Variants in SHOC2 observed in about 807,000 individuals in gnomAD.
SHOC2 encodes SHOC2 leucine rich repeat scaffold protein, also known as leucine-rich repeat protein SHOC-2.
SHOC2 carries 4 observed loss-of-function variants against 50.2 expected under a neutral mutation model. That is an observed-to-expected ratio of 0.08 (90% CI 0.04 to 0.18). The LOEUF is 0.18. Ranked by LOEUF, SHOC2 falls within the 10% of genes least tolerant of loss-of-function variation. SHOC2 has a pLI of 1.00. For missense variants in SHOC2, 388 were observed against 669.6 expected (o/e 0.58, Z 4.64); for synonymous variants, 218 against 244.5 (o/e 0.89, Z 1.01).
intron 1 of SHOC2, chr10:110,936,924 C>T: frequency 7.1e-7 from 1 of 1,403,662 alleles, no homozygotes; most frequent in Non-Finnish European, 1.0e-6. Context: ...CAGTCAAACA[C>T]CTTGAGGCGG....
intron 1 of SHOC2, among the ~76,000 whole-genome samples, chr10:110,933,732 A>G (rs1455743460): frequency 6.6e-6 from 1 of 152,242 alleles, no homozygotes. Flanking sequence ...CAGGAGTTCA[A>G]GGCTGCAGTG....
At chr10:110,981,921 T>C (rs1203719327) in intron 2 of SHOC2, among the ~76,000 whole-genome samples, 2 of 141,624 alleles carry the variant, frequency 1.4e-5, no homozygotes, top group African/African-American at 5.1e-5. Flanking sequence ...TAGTTACATA[T>C]GTATACATGT....
intron 1 of SHOC2, among the ~76,000 whole-genome samples, chr10:110,946,725 G>A (rs1360948785): frequency 6.6e-6 from 1 of 152,144 alleles, no homozygotes; most frequent in African/African-American, 2.4e-5. Flanking sequence ...TGGAATGCAA[G>A]TACCTAGCGG....
chr10:110,983,392 G>A (rs988646998), intron 2 of SHOC2, among the ~76,000 whole-genome samples: 58 of 151,312 alleles, frequency 3.8e-4, no homozygotes, highest in African/African-American at 1.2e-3. Context: ...CTGTTTTCTT[G>A]AGATGGAGAC....
intron 1 of SHOC2, among the ~76,000 whole-genome samples, chr10:110,930,158 A>G (rs369134891): frequency 2.6e-5 from 4 of 152,360 alleles, no homozygotes; most frequent in South Asian, 2.1e-4. Context: ...TAATAAACCA[A>G]ACTGTCAGAA....
At chr10:110,974,593 A>G (rs999671324) in intron 2 of SHOC2, among the ~76,000 whole-genome samples, 1 of 151,052 alleles carries the variant, frequency 6.6e-6, no homozygotes, top group Non-Finnish European at 1.5e-5. Flanking sequence ...CTCTTTTCTT[A>G]TGGATTAAGT....
rs536647684 is a variant in SHOC2 at position 110,963,628 on chromosome 10, T to A, written c.-234-497T>A. 8.5e-5 allele frequency among the ~76,000 whole-genome samples: 13 copies of A among 152,316 alleles called. No homozygotes were observed. In the South Asian group the frequency reaches 2.7e-3, roughly 32 times the overall value. On this transcript the variant is annotated intron_variant, in intron 1 of 8. Coordinates refer to ENST00000369452, the MANE Select transcript of SHOC2 (RefSeq NM_007373.4). ...GTTTTAGTGTAGTGGGTTAGGAACATAGGCTGTGAGCACATACTACCTAAT... is the reference window on the plus strand; with the variant it reads ...GTTTTAGTGTAGTGGGTTAGGAACAAAGGCTGTGAGCACATACTACCTAAT...
chr10:110,939,342 T>C lies in SHOC2; in HGVS notation c.-235+19685T>C, dbSNP rs1272994195. 2.0e-5 allele frequency among the ~76,000 whole-genome samples: 3 copies of C among 152,146 alleles called. No homozygotes were observed. The East Asian group carries it at 5.8e-4, about 29-fold the overall frequency. On this transcript the variant is annotated intron_variant, in intron 1 of 8. Transcript: ENST00000369452. ...AAGCCATCCTCTCACCTTAGCCTCCTGAGTAGCTGGGACCATAAGCACGTG... is the reference window on the plus strand; with the variant it reads ...AAGCCATCCTCTCACCTTAGCCTCCCGAGTAGCTGGGACCATAAGCACGTG...
At chr10:110,924,898 C>T (rs1564699838) in intron 1 of SHOC2, among the ~76,000 whole-genome samples, 1 of 151,358 alleles carries the variant, frequency 6.6e-6, no homozygotes, top group Admixed American at 6.6e-5. Flanking sequence ...AGCGAAACCC[C>T]GTCTCTACTA....
chr10:110,999,750 AAAAAAAAAAG>A (rs1235161895), intron 3 of SHOC2, among the ~76,000 whole-genome samples: 3 of 149,944 alleles, frequency 2.0e-5, no homozygotes, highest in African/African-American at 7.4e-5. Flanking sequence ...AAAAAAAAAA[AAAAAAAAAAG>A]AAAGAAAAGA....
In SHOC2 at chr10:110,940,539, A is replaced by G. The variant is rs540186780; in HGVS notation, c.-235+20882A>G. Among the ~76,000 whole-genome samples the G allele has an allele frequency of 2.0e-5, 3 of 152,314 alleles. No homozygotes were observed. The East Asian group carries it at 5.8e-4, about 29-fold the overall frequency. ...TTGCATGTATCATGTATGTAAATTC[A>G]ATTATTTATAGTTATACAATTTTAT... On this transcript the variant is annotated intron_variant, in intron 1 of 8. Coordinates refer to ENST00000369452, the MANE Select transcript of SHOC2 (RefSeq NM_007373.4).
In SHOC2 at chr10:110,990,778, A is replaced by C. The variant is rs958173808; in HGVS notation, c.841+5013A>C. Reference sequence around the variant, plus strand: ...AAAACAAAAACAAAAAACAAAAAAAAACACAACAAAATGTTGCTTTACTCT... The same window carrying C: ...AAAACAAAAACAAAAAACAAAAAAACACACAACAAAATGTTGCTTTACTCT... On this transcript the variant is annotated intron_variant, in intron 3 of 8. Transcript: ENST00000369452. Among the ~76,000 whole-genome samples the C allele has an allele frequency of 3.9e-5, 6 of 152,166 alleles. No individual in the cohort carries two copies. The East Asian group carries it at 7.7e-4, about 20-fold the overall frequency.
chr10:111,009,688 C>G, intron 7 of SHOC2, 25 bp from the exon 8 acceptor site: 1 of 1,352,664 alleles, frequency 7.4e-7, no homozygotes, highest in Non-Finnish European at 1.1e-6. Context: ...ATTTGTAACT[C>G]TCTTTTATTT....
rs1564705752 is a variant in SHOC2 at position 110,940,910 on chromosome 10, G to GGTTTTTTTTTT, written c.-235+21253_-235+21254insGTTTTTTTTTT. ...GACAAAATAGTGGTATTTGTGGTGG[G>GGTTTTTTTTTT]TTTTTTTTTTTTTTTTTTTTTTTTT... On this transcript the variant is annotated intron_variant, in intron 1 of 8. Coordinates refer to ENST00000369452, the MANE Select transcript of SHOC2 (RefSeq NM_007373.4). Among the ~76,000 whole-genome samples, 27 of 119,484 alleles carry GGTTTTTTTTTT rather than the reference G, an allele frequency of 2.3e-4. 8 individuals are homozygous for GGTTTTTTTTTT. Among genetic ancestry groups the GGTTTTTTTTTT allele is most frequent in the African/African-American group, 5.7e-4 (18 of 31,444 alleles). The allele number at this position is 119,484 out of a possible 152,430, so 78.4% of individuals were successfully genotyped here. A position where few individuals can be genotyped will look rare whatever the true frequency, so the allele number is the denominator to read the frequency against.
Position 110,964,442 on chromosome 10 carries a change from A to C in SHOC2, c.84A>C (p.Ala28=), listed in dbSNP as rs753165612. Residue 28 remains alanine (A), a synonymous_variant, in exon 2 of 9, where the codon GCA becomes GCC. Transcript: ENST00000369452. This position sits in a 1 kb window ranked among gnomAD's most constrained non-coding sequence, Gnocchi z 4.9. ...CAGCCAAGGAAAGAGAAAAGGAGGC[A>C]AAAGCCTCTGGAGGTTTTGGGAAAG... ...VPSAKEREKE[A]KASGGFGKES... 6.2e-7 allele frequency: 1 copy of C among 1,613,678 alleles called. No individual in the cohort carries two copies.
chr10:111,008,258 T>A (rs1025488148), intron 6 of SHOC2, among the ~76,000 whole-genome samples: 5 of 150,756 alleles, frequency 3.3e-5, no homozygotes, highest in Non-Finnish European at 7.4e-5. Flanking sequence ...TGCTTCTGAG[T>A]TCCTAGAGTT....
chr10:111,006,884 C>T (rs1019237536), intron 5 of SHOC2, among the ~76,000 whole-genome samples: 11 of 152,270 alleles, frequency 7.2e-5, no homozygotes, highest in African/African-American at 2.6e-4. Context: ...AAGTGGCATA[C>T]TTTTTTTCTG....
At chr10:111,000,620 A>T in intron 4 of SHOC2, 75 bp downstream of exon 4, 1 of 1,293,896 alleles carries the variant, frequency 7.7e-7, no homozygotes, top group Non-Finnish European at 1.1e-6. Context: ...GTAAATCTTT[A>T]TAGCAGGGTA....
At chr10:110,933,528 C>T (rs1846935996) in intron 1 of SHOC2, among the ~76,000 whole-genome samples, 2 of 152,096 alleles carry the variant, frequency 1.3e-5, no homozygotes, top group Non-Finnish European at 2.9e-5. Flanking sequence ...TTACAGGAGA[C>T]CAGGCAGGTA....
Sources: allele counts gnomAD v4.1 joint callset (sites outside exome capture counted in the v4.1 genomes callset), GRCh38; gene constraint gnomAD v4.1.1; non-coding constraint Gnocchi (gnomAD v3.1); transcripts MANE v1.5; gene names NCBI Gene and HGNC (gene_info 2026-07-23, HGNC 2026-07-21).